PCDHGB2: variants seen among roughly 807,000 people sequenced by gnomAD.
PCDHGB2 encodes protocadherin gamma-B2.
PCDHGB2 carries 55 observed loss-of-function variants against 59.3 expected under a neutral mutation model. The ratio of observed to expected loss-of-function variants is 0.93; its 90% confidence interval spans 0.75 to 1.16. The LOEUF (loss-of-function observed/expected upper bound fraction) is 1.16, where lower values mean the gene tolerates loss of function less well. Ranked by LOEUF, PCDHGB2 falls within the 50% of genes most tolerant of loss-of-function variation. The pLI, the probability that PCDHGB2 is intolerant of heterozygous loss-of-function variation, is 0.00. For missense variants in PCDHGB2, 1,228 were observed against 1,198.5 expected (o/e 1.02, Z -0.36); for synonymous variants, 516 against 512.0 (o/e 1.01, Z -0.11).
intron 3 of PCDHGB2, among the ~76,000 whole-genome samples, chr5:141,510,244 G>A (rs549784078): frequency 6.6e-6 from 1 of 151,116 alleles, no homozygotes; most frequent in African/African-American, 2.4e-5. Flanking sequence ...CTGCACTCCA[G>A]GCTGGGCGAC....
chr5:141,477,845 G>A lies in PCDHGB2; in HGVS notation c.2422-16962G>A, dbSNP rs1164464559. On this transcript the variant is annotated intron_variant, in intron 1 of 3. Transcript: ENST00000522605. This position sits in a 1 kb window ranked among gnomAD's most constrained non-coding sequence, Gnocchi z 4.9. ...ATATCCTCGGCCAGGTGGGAGCTCGGTGGAGATGCTGCCTCGAGGTACCTC... is the reference window on the plus strand; with the variant it reads ...ATATCCTCGGCCAGGTGGGAGCTCGATGGAGATGCTGCCTCGAGGTACCTC... 11 of 1,614,040 alleles carry A rather than the reference G, an allele frequency of 6.8e-6. No individual in the cohort carries two copies. The highest frequency in any genetic ancestry group is 9.3e-6 in the Non-Finnish European group (11 of 1,180,036).
Position 141,486,046 on chromosome 5 carries a change from C to G in PCDHGB2, c.2422-8761C>G. 1.2e-6 allele frequency: 2 copies of G among 1,614,170 alleles called. No individual in the cohort carries two copies. Among genetic ancestry groups the G allele is most frequent in the Non-Finnish European group, 1.7e-6 (2 of 1,180,036 alleles). The stretch of plus-strand genomic sequence containing the variant: ...GTCATACCCCTGATCGTGTAAGAAA[C>G]CTCTTTAGCCTGCACCCCACTACTG... On this transcript the variant is annotated intron_variant, in intron 1 of 3. Coordinates refer to ENST00000522605, the MANE Select transcript of PCDHGB2 (RefSeq NM_018923.3). This position sits in a 1 kb window ranked among gnomAD's most constrained non-coding sequence, Gnocchi z 5.0.
chr5:141,371,174 C>T (rs777820402), intron 1 of PCDHGB2: 1 of 1,613,994 alleles, frequency 6.2e-7, no homozygotes, highest in Middle Eastern at 1.6e-4. Flanking sequence ...CTGGCTCCTC[C>T]GTATTAAAAG....
chr5:141,394,127 C>T lies in PCDHGB2; in HGVS notation c.2421+31571C>T, dbSNP rs376102299. 4.0e-5 allele frequency: 64 copies of T among 1,613,960 alleles called. No homozygotes were observed. The African/African-American group carries it at 7.1e-4, about 18-fold the overall frequency. ...CACCTCTGTCCACTGAAACTCAAAT[C>T]GCTCTGCACGTGGCAGACATTAACG... is the stretch of plus-strand genomic sequence containing the variant. On this transcript the variant is annotated intron_variant, in intron 1 of 3. Transcript: ENST00000522605.
intron 1 of PCDHGB2, among the ~76,000 whole-genome samples, chr5:141,369,620 T>G (rs1766381490): frequency 6.6e-6 from 1 of 152,226 alleles, no homozygotes; most frequent in Non-Finnish European, 1.5e-5. Context: ...AATCATTTCC[T>G]CATTACCTTT....
intron 1 of PCDHGB2, chr5:141,400,422 TA>T: frequency 6.2e-7 from 1 of 1,614,054 alleles, no homozygotes; most frequent in Non-Finnish European, 8.5e-7. Context: ...TCCTAAAATG[TA>T]GTGAGCAATT....
chr5:141,418,282 A>T (rs1209026046), intron 1 of PCDHGB2: 2 of 1,614,030 alleles, frequency 1.2e-6, no homozygotes, highest in Non-Finnish European at 1.7e-6. Flanking sequence ...TAAACTTAGA[A>T]ATCAGTGAAT....
Position 141,476,290 on chromosome 5 carries a change from C to G in PCDHGB2, c.2422-18517C>G, listed in dbSNP as rs768208156. The stretch of plus-strand genomic sequence containing the variant: ...TGGTCGCGAACCTTGGTTTGGATCT[C>G]GGTAGCCTCTCAGCCCGCAGGTTCC... On this transcript the variant is annotated intron_variant, in intron 1 of 3. Coordinates refer to ENST00000522605, the MANE Select transcript of PCDHGB2 (RefSeq NM_018923.3). The surrounding 1 kb of genome is among the most constrained non-coding windows in gnomAD (Gnocchi z 7.6). 1 of 1,614,050 alleles carries G rather than the reference C, an allele frequency of 6.2e-7. No homozygotes were observed. The highest frequency in any genetic ancestry group is 1.7e-5 in the Admixed American group (1 of 60,012).
chr5:141,386,918 A>G (rs758924740), intron 1 of PCDHGB2, among the ~76,000 whole-genome samples: 8 of 152,206 alleles, frequency 5.3e-5, no homozygotes, highest in Non-Finnish European at 1.2e-4. Context: ...CAAGGAATGT[A>G]AAATAAGTGC....
At position 141,400,132 on chromosome 5, in the gene PCDHGB2, C is replaced by T. The variant is rs762060556; in HGVS notation, c.2421+37576C>T. 6.3e-5 allele frequency: 101 copies of T among 1,613,964 alleles called. No individual in the cohort carries two copies. The highest frequency in any genetic ancestry group is 8.4e-5 in the Non-Finnish European group (99 of 1,179,904). On this transcript the variant is annotated intron_variant, in intron 1 of 3. Coordinates refer to ENST00000522605, the MANE Select transcript of PCDHGB2 (RefSeq NM_018923.3). ...TGCTGACAGCTTGCAGGAGGTGCTG[C>T]CGGATATCACTGACCGCCCTGTACC...
intron 1 of PCDHGB2, chr5:141,405,392 TTC>T (rs1477182661): frequency 6.3e-7 from 1 of 1,595,986 alleles, no homozygotes; most frequent in Non-Finnish European, 8.5e-7. Flanking sequence ...TTCATTTTTT[TTC>T]TTTCTTTCTT....
intron 1 of PCDHGB2, chr5:141,375,886 C>A: frequency 1.2e-6 from 2 of 1,613,822 alleles, no homozygotes; most frequent in South Asian, 2.2e-5. Flanking sequence ...CGGGCCAGAA[C>A]GCCTGGCTGT....
intron 1 of PCDHGB2, chr5:141,374,954 A>G: frequency 6.2e-7 from 1 of 1,613,990 alleles, no homozygotes. Flanking sequence ...GATCTCACAA[A>G]TTTTCTGTTT....
chr5:141,386,866 A>G (rs2150322529), intron 1 of PCDHGB2, among the ~76,000 whole-genome samples: 1 of 152,364 alleles, frequency 6.6e-6, no homozygotes, highest in East Asian at 1.9e-4. Context: ...AGCTATTGCA[A>G]TCAAACTTTC....
chr5:141,374,648 C>T, intron 1 of PCDHGB2: 5 of 1,612,462 alleles, frequency 3.1e-6, no homozygotes, highest in Non-Finnish European at 4.2e-6. Flanking sequence ...AGCCCATGGG[C>T]CCAAGTACCC....
In PCDHGB2 at chr5:141,486,370, T is replaced by A; in HGVS notation, c.2422-8437T>A. On this transcript the variant is annotated intron_variant, in intron 1 of 3. Transcript: ENST00000522605. This position sits in a 1 kb window ranked among gnomAD's most constrained non-coding sequence, Gnocchi z 5.0. ...ACCACTTGCCATTTGCCCTCAAGTC[T>A]GCCTTCAGGAACCAGTTCTCCCTGG... 1 of 1,614,106 alleles carries A rather than the reference T, an allele frequency of 6.2e-7. No homozygotes were observed. The highest frequency in any genetic ancestry group is 8.5e-7 in the Non-Finnish European group (1 of 1,179,986).
intron 1 of PCDHGB2, chr5:141,379,423 A>G (rs1261037274): frequency 3.3e-5 from 5 of 152,260 alleles, no homozygotes. Context: ...CTCATGAGTT[A>G]GATGGGCTGT....
rs536970079 is a variant in PCDHGB2 at position 141,405,367 on chromosome 5, T to C, written c.2421+42811T>C. The C allele has an allele frequency of 1.9e-5, 30 of 1,613,694 alleles. No homozygotes were observed. In the African/African-American group the frequency reaches 3.2e-4, roughly 17 times the overall value. The stretch of plus-strand genomic sequence containing the variant: ...CCAAGTTTCCTATAGAAGACACCCC[T>C]TTGGTTCCGGTGAGTTCATTTTTTT... On this transcript the variant is annotated intron_variant, in intron 1 of 3. Transcript: ENST00000522605.
chr5:141,486,578 C>A lies in PCDHGB2; in HGVS notation c.2422-8229C>A, dbSNP rs780578882. 5 of 1,613,610 alleles carry A rather than the reference C, an allele frequency of 3.1e-6. No homozygotes were observed. In the Admixed American group the frequency reaches 6.7e-5, roughly 22 times the overall value. On this transcript the variant is annotated intron_variant, in intron 1 of 3. Coordinates refer to ENST00000522605, the MANE Select transcript of PCDHGB2 (RefSeq NM_018923.3). The surrounding 1 kb of genome is among the most constrained non-coding windows in gnomAD (Gnocchi z 5.0). Reference sequence around the variant, plus strand: ...TGAGGTGTTTGTTCCTGAGAACAATCGCCCAGGGGACCTGCTTTGCTCCCT... The same window carrying A: ...TGAGGTGTTTGTTCCTGAGAACAATAGCCCAGGGGACCTGCTTTGCTCCCT...
Sources: gnomAD v4.1 joint callset for allele counts (sites outside exome capture counted in the v4.1 genomes callset) on GRCh38, gnomAD v4.1.1 for gene constraint, Gnocchi (gnomAD v3.1) non-coding constraint, MANE v1.5 for transcripts, NCBI Gene and HGNC (gene_info 2026-07-23, HGNC 2026-07-21) for gene names.